Variants in NAT1 observed in about 807,000 individuals in gnomAD.
NAT1 encodes arylamine N-acetyltransferase 1.
For synonymous variants in NAT1, 144 were observed against 122.6 expected (o/e 1.17, Z -1.16); for missense variants, 400 against 339.2 (o/e 1.18, Z -1.41).
Position 18,221,326 on chromosome 8 carries a change from TTA to T in NAT1, c.-6-715_-6-714del, listed in dbSNP as rs200003705. ...TTTTTTGGTGTGTTTTTTTTTTTTT[TTA>T]AACCAACTAATTTAAAATTGGAGCT... On this transcript the variant is annotated intron_variant, in intron 2 of 2. Coordinates refer to ENST00000307719, the MANE Select transcript of NAT1 (RefSeq NM_000662.8). Among the ~76,000 whole-genome samples, 116 of 151,528 alleles carry T rather than the reference TTA, an allele frequency of 7.7e-4. 1 individual carries two copies. The South Asian group carries it at 9.6e-3, about 13-fold the overall frequency.
chr8:18,216,839 G>A (rs1299417805), intron 1 of NAT1: 3 of 1,291,284 alleles, frequency 2.3e-6, no homozygotes, highest in African/African-American at 2.9e-5. Flanking sequence ...AAATGGTAAG[G>A]GGGAACTCAT....
chr8:18,178,428 T>C (rs1802376774), intron 2 of NAT1, among the ~76,000 whole-genome samples: 1 of 152,156 alleles, frequency 6.6e-6, no homozygotes, highest in Admixed American at 6.6e-5. Context: ...TGGGCTGAGT[T>C]AGAATCAACT....
At chr8:18,185,549 T>A (rs564226454) in intron 2 of NAT1, among the ~76,000 whole-genome samples, 1 of 152,164 alleles carries the variant, frequency 6.6e-6, no homozygotes, top group Non-Finnish European at 1.5e-5. Flanking sequence ...TCTGTATCTG[T>A]CTTTTGGTCA....
chr8:18,194,761 A>C (rs1054373014), intron 2 of NAT1, among the ~76,000 whole-genome samples: 4 of 151,880 alleles, frequency 2.6e-5, no homozygotes, highest in Admixed American at 2.0e-4. Context: ...TGGAGGTTGA[A>C]GTAAGTTGAG....
chr8:18,192,264 G>C (rs2117260922), intron 2 of NAT1, among the ~76,000 whole-genome samples: 1 of 152,328 alleles, frequency 6.6e-6, no homozygotes, highest in South Asian at 2.1e-4. Context: ...GGCCATCACA[G>C]AAATGCAAAT....
At chr8:18,170,667 T>G (rs1394153643) in intron 1 of NAT1, 1 of 152,192 alleles carries the variant, frequency 6.6e-6, no homozygotes, top group African/African-American at 2.4e-5. Flanking sequence ...AACTTGGACT[T>G]TTCTTTAACA....
At chr8:18,199,334 A>AG (rs929943394) in intron 2 of NAT1, among the ~76,000 whole-genome samples, 1 of 151,850 alleles carries the variant, frequency 6.6e-6, no homozygotes, top group African/African-American at 2.4e-5. Flanking sequence ...AAAAAAAAAA[A>AG]AAAATTTTTT....
At chr8:18,203,063 T>G (rs1803545558) in intron 2 of NAT1, among the ~76,000 whole-genome samples, 2 of 152,288 alleles carry the variant, frequency 1.3e-5, no homozygotes, top group Middle Eastern at 3.4e-3. Flanking sequence ...TTACAATCCT[T>G]TAGCTAGACA....
rs193033624 is a variant in NAT1 at position 18,184,038 on chromosome 8, C to A, written n.92+13299C>A. Among the ~76,000 whole-genome samples, 114 of 151,952 alleles carry A rather than the reference C, an allele frequency of 7.5e-4. 2 individuals carry two copies. In the East Asian group the frequency reaches 0.02, roughly 26 times the overall value. ...GCTCTATGCTTTCAGGGTCCCGGGG[C>A]GGGGTGGTGGGGGGGTCCCTGTTCC... On this transcript the variant is annotated intron_variant and non_coding_transcript_variant, in intron 2 of 4. Transcript: ENST00000517441.
intron 2 of NAT1, among the ~76,000 whole-genome samples, chr8:18,186,032 T>C (rs1388029901): frequency 1.3e-5 from 2 of 152,174 alleles, no homozygotes; most frequent in Admixed American, 6.5e-5. Flanking sequence ...TTTCAACCCT[T>C]TGGAACTGGT....
In NAT1 at chr8:18,195,227, C is replaced by T. The variant is rs559078974; in HGVS notation, n.93-14554C>T. Among the ~76,000 whole-genome samples, 22 of 152,238 alleles carry T rather than the reference C, an allele frequency of 1.4e-4. No homozygotes were observed. In the East Asian group the frequency reaches 3.1e-3, roughly 21 times the overall value. ...CTCTCTAAGATTTCTGTTTCAAATT[C>T]GCAGATCACCACGCTAGTCCCTAAG... On this transcript the variant is annotated intron_variant and non_coding_transcript_variant, in intron 2 of 4. Coordinates refer to the NAT1 transcript ENST00000517441.
intron 2 of NAT1, among the ~76,000 whole-genome samples, chr8:18,173,080 G>T (rs747710270): frequency 1.4e-4 from 21 of 151,942 alleles, no homozygotes; most frequent in African/African-American, 1.7e-4. Flanking sequence ...TGCTACTGCT[G>T]CTGTAGATTT....
In NAT1 at chr8:18,222,845, G is replaced by A. The variant is rs1248989510; in HGVS notation, c.798G>A (p.Val266=). 15 of 1,601,496 alleles carry A rather than the reference G, an allele frequency of 9.4e-6. No homozygotes were observed. Among genetic ancestry groups the A allele is most frequent in the Non-Finnish European group, 1.1e-5 (13 of 1,176,480 alleles). ...KTLSEEEIEK[V]LKNIFNISLQ... Reference sequence around the variant, plus strand: ...TGAGTGAGGAAGAAATAGAAAAAGTGCTGAAAAATATATTTAATATTTCCT... The same window carrying A: ...TGAGTGAGGAAGAAATAGAAAAAGTACTGAAAAATATATTTAATATTTCCT... The change falls in exon 3 of 3, where the codon GTG becomes GTA. Residue 266 remains valine, a synonymous_variant. Transcript: ENST00000307719.
At position 18,204,163 on chromosome 8, in the gene NAT1, T is replaced by TCTCTCTCTCTCTCTC. The variant is rs1563177737; in HGVS notation, n.93-5618_93-5617insCTCTCTCTCTCTCTC. On this transcript the variant is annotated intron_variant and non_coding_transcript_variant, in intron 2 of 4. Coordinates refer to the NAT1 transcript ENST00000517441. Reference sequence around the variant, plus strand: ...TGCCTCCTTGACTTTTTGGATGTCTTTCTCTCTCTCTCTCTCTCTCTCGCA... The same window carrying TCTCTCTCTCTCTCTC: ...TGCCTCCTTGACTTTTTGGATGTCTTCTCTCTCTCTCTCTCTCTCTCTCTCTCTCTCTCTCTCGCA... Among the ~76,000 whole-genome samples the TCTCTCTCTCTCTCTC allele has an allele frequency of 3.1e-3, 467 of 148,716 alleles. 1 individual carries two copies. The highest frequency in any genetic ancestry group is 0.01 in the African/African-American group (425 of 40,776).
At chr8:18,220,851 A>G (rs1805205076) in intron 2 of NAT1, among the ~76,000 whole-genome samples, 1 of 152,176 alleles carries the variant, frequency 6.6e-6, no homozygotes, top group African/African-American at 2.4e-5. Flanking sequence ...TACTTAGATC[A>G]TATGTTATCC....
In NAT1 at chr8:18,186,999, G is replaced by C. The variant is rs142609501; in HGVS notation, n.92+16260G>C. Among the ~76,000 whole-genome samples, 3 of 152,268 alleles carry C rather than the reference G, an allele frequency of 2.0e-5. No individual in the cohort carries two copies. In the East Asian group the frequency reaches 5.8e-4, roughly 29 times the overall value. On this transcript the variant is annotated intron_variant and non_coding_transcript_variant, in intron 2 of 4. Transcript: ENST00000517441. ...AAAAAGTAAGCTGTTCCTTGTGCCT[G>C]AGGAGTTGGTGACTCTTGATTTCAT...
chr8:18,205,480 G>A (rs1439988446), upstream of NAT1, among the ~76,000 whole-genome samples: 1 of 152,162 alleles, frequency 6.6e-6, no homozygotes, highest in African/African-American at 2.4e-5. Context: ...AGCAGTGTTA[G>A]CACAAGAGTG....
chr8:18,171,827 G>A (rs1802107964), intron 2 of NAT1, among the ~76,000 whole-genome samples: 1 of 152,130 alleles, frequency 6.6e-6, no homozygotes, highest in African/African-American at 2.4e-5. Context: ...CCTGCAATTA[G>A]ACCCAGTAGC....
intron 2 of NAT1, among the ~76,000 whole-genome samples, chr8:18,200,639 G>A (rs551167732): frequency 1.4e-4 from 22 of 151,992 alleles, no homozygotes; most frequent in African/African-American, 5.3e-4. Context: ...CCTGTGACGT[G>A]TAGTTTACCT....
Sources: gnomAD v4.1 joint callset for allele counts (sites outside exome capture counted in the v4.1 genomes callset) on GRCh38, gnomAD v4.1.1 for gene constraint, MANE v1.5 for transcripts, NCBI Gene and HGNC (gene_info 2026-07-23, HGNC 2026-07-21) for gene names.